SH3BGR: variants seen among roughly 807,000 people sequenced by gnomAD.
SH3BGR encodes the protein SH3 domain-binding glutamic acid-rich protein.
Under a neutral mutation model 24.5 loss-of-function variants are expected in SH3BGR, and 29 were observed. The ratio of observed to expected loss-of-function variants is 1.18; its 90% CI spans 0.88 to 1.61. SH3BGR has a LOEUF of 1.61. Among genes scored for constraint, SH3BGR ranks in the 40% most tolerant of loss-of-function variants. The pLI, the probability that SH3BGR is intolerant of heterozygous loss-of-function variation, is 0.00. For synonymous variants in SH3BGR, 55 were observed against 65.7 expected (o/e 0.84, Z 0.79); for missense variants, 162 against 205.8 (o/e 0.79, Z 1.30).
At chr21:39,451,796 C>CG, upstream of SH3BGR, 1 of 1,184,276 alleles carries the variant, frequency 8.4e-7, no homozygotes. Flanking sequence ...GGACTGTTGT[C>CG]GCGCGTTTAA....
chr21:39,452,298 T>C (rs1307135263), intron 1 of SH3BGR, 157 bp downstream of exon 1: 2 of 349,694 alleles, frequency 5.7e-6, no homozygotes, highest in African/African-American at 4.4e-5. Flanking sequence ...TTTGATTTCA[T>C]AGTGTTGAAA....
chr21:39,488,935 A>G (rs2078254428), intron 3 of SH3BGR, among the ~76,000 whole-genome samples: 2 of 152,194 alleles, frequency 1.3e-5, no homozygotes, highest in Non-Finnish European at 2.9e-5. Context: ...GCATTCACCA[A>G]TAAACTTGTT....
chr21:39,451,749 G>T (rs958123155), upstream of SH3BGR: 15 of 922,316 alleles, frequency 1.6e-5, no homozygotes, highest in Non-Finnish European at 2.5e-5. Flanking sequence ...CTCTGCACAG[G>T]TCTCCGATTG....
intron 3 of SH3BGR, among the ~76,000 whole-genome samples, chr21:39,492,388 A>C (rs746582325): frequency 2.6e-5 from 4 of 151,782 alleles, no homozygotes; most frequent in African/African-American, 4.8e-5. Flanking sequence ...AATTCCATCC[A>C]AGTTGCTGCG....
chr21:39,462,497 G>GAA lies in SH3BGR; in HGVS notation c.173_174dup (p.Pro59AsnfsTer92). On this transcript the variant is annotated frameshift_variant, in exon 2 of 7. Transcript: ENST00000333634. LOFTEE classifies it high-confidence loss of function. ...GGATGAGAGAGAATGTTCCTGGAGAGAAAAAACCTCAAAATGGGATTCCTT... is the reference window on the plus strand; with the variant it reads ...GGATGAGAGAGAATGTTCCTGGAGAGAAAAAAAACCTCAAAATGGGATTCCTT... 1 of 1,608,474 alleles carries GAA rather than the reference G, an allele frequency of 6.2e-7. No homozygotes were observed. The highest frequency in any genetic ancestry group is 8.5e-7 in the Non-Finnish European group (1 of 1,178,806).
chr21:39,501,027 G>C (rs991733874), intron 4 of SH3BGR, among the ~76,000 whole-genome samples: 4 of 152,118 alleles, frequency 2.6e-5, no homozygotes, highest in African/African-American at 9.7e-5. Flanking sequence ...GAAGTTAGAC[G>C]GTGTTTCATG....
At chr21:39,485,727 G>A (rs1351976045) in intron 3 of SH3BGR, among the ~76,000 whole-genome samples, 2 of 139,090 alleles carry the variant, frequency 1.4e-5, no homozygotes, top group East Asian at 2.2e-4. Context: ...TCGCTCTGTC[G>A]CCCAGGCTGG....
chr21:39,478,554 G>A (rs567558805), intron 3 of SH3BGR, among the ~76,000 whole-genome samples: 1 of 152,276 alleles, frequency 6.6e-6, no homozygotes, highest in African/African-American at 2.4e-5. Context: ...AATTTGGAAG[G>A]TCATGTGCCT....
intron 3 of SH3BGR, chr21:39,488,483 G>C: frequency 3.6e-6 from 1 of 280,814 alleles, no homozygotes. Context: ...GGTCCTGGGG[G>C]AACCTCAGGA....
intron 2 of SH3BGR, among the ~76,000 whole-genome samples, chr21:39,466,106 T>TA (rs2077837441): frequency 6.6e-6 from 1 of 152,212 alleles, no homozygotes; most frequent in African/African-American, 2.4e-5. Flanking sequence ...TTAAAGTACA[T>TA]ACGCGTCTCA....
chr21:39,476,751 C>T (rs1462177950), intron 3 of SH3BGR, among the ~76,000 whole-genome samples: 1 of 152,186 alleles, frequency 6.6e-6, no homozygotes, highest in African/African-American at 2.4e-5. Context: ...TTCCAGACCC[C>T]AGACCTGTGG....
intron 6 of SH3BGR, among the ~76,000 whole-genome samples, chr21:39,512,847 C>A (rs1359413341): frequency 6.6e-6 from 1 of 152,058 alleles, no homozygotes; most frequent in Non-Finnish European, 1.5e-5. Context: ...ACATTAAGTG[C>A]TATAAAAATA....
At chr21:39,491,722 C>A in intron 3 of SH3BGR, 2 of 223,594 alleles carry the variant, frequency 8.9e-6, no homozygotes, top group South Asian at 1.5e-4. Context: ...ACATAGGTGT[C>A]GAAGAAGCTT....
chr21:39,478,373 C>T lies in SH3BGR; in HGVS notation c.312+3158C>T, dbSNP rs76099886. Among the ~76,000 whole-genome samples, 338 of 152,344 alleles carry T rather than the reference C, an allele frequency of 2.2e-3. 8 individuals carry two copies. In the East Asian group the frequency reaches 0.059, roughly 26 times the overall value. On this transcript the variant is annotated intron_variant, in intron 3 of 6. Transcript: ENST00000333634. ...TCATCTCTTCCCACTTCCAGAGCTG[C>T]TCTGAGATCACGTCTGATGCCAGTC...
chr21:39,459,149 T>C (rs2077713137), intron 1 of SH3BGR, among the ~76,000 whole-genome samples: 1 of 152,098 alleles, frequency 6.6e-6, no homozygotes, highest in Non-Finnish European at 1.5e-5. Context: ...ATTGATTATT[T>C]GTTTTATTAC....
intron 3 of SH3BGR, among the ~76,000 whole-genome samples, chr21:39,496,337 A>G (rs1162050839): frequency 1.3e-5 from 2 of 151,750 alleles, no homozygotes; most frequent in Non-Finnish European, 2.9e-5. Flanking sequence ...CGTCTCTACT[A>G]AAAATACAAA....
At chr21:39,491,610 G>T in intron 3 of SH3BGR, 1 of 233,742 alleles carries the variant, frequency 4.3e-6, no homozygotes, top group Non-Finnish European at 8.8e-6. Flanking sequence ...GAGGTGTTCG[G>T]TCCTTGCAAG....
At chr21:39,489,994 T>C (rs1234080022) in intron 3 of SH3BGR, among the ~76,000 whole-genome samples, 1 of 152,216 alleles carries the variant, frequency 6.6e-6, no homozygotes, top group Non-Finnish European at 1.5e-5. Flanking sequence ...ATTCTGTTCA[T>C]GGATGAGGGT....
At chr21:39,471,001 G>A (rs1010513038) in intron 2 of SH3BGR, among the ~76,000 whole-genome samples, 8 of 151,802 alleles carry the variant, frequency 5.3e-5, no homozygotes, top group African/African-American at 9.7e-5. Flanking sequence ...CTTTCACCTG[G>A]CCTCTAAGTT....
Sources: gnomAD v4.1 joint callset for allele counts (sites outside exome capture counted in the v4.1 genomes callset) on GRCh38, gnomAD v4.1.1 for gene constraint, MANE v1.5 for transcripts, NCBI Gene and HGNC (gene_info 2026-07-23, HGNC 2026-07-21) for gene names.